Variants in RAB3GAP2 observed in about 807,000 individuals in gnomAD.
RAB3GAP2 encodes RAB3 GTPase activating non-catalytic protein subunit 2.
Under a neutral mutation model 185.3 loss-of-function variants are expected in RAB3GAP2, and 87 were observed. The observed-to-expected ratio is 0.47, with a 90% CI of 0.39 to 0.56. The LOEUF is 0.56. RAB3GAP2 is among the 20% of genes least tolerant of loss of function. RAB3GAP2 has a pLI of 0.00. For synonymous variants in RAB3GAP2, 554 were observed against 576.1 expected, an observed-to-expected ratio of 0.96 and a Z score of 0.55; for missense variants, 1,492 against 1,638.2, an observed-to-expected ratio of 0.91 and a Z score of 1.54.
chr1:220,151,416 G>A lies in RAB3GAP2; in HGVS notation c.4027-10C>T, dbSNP rs751519531. 6.2e-7 allele frequency: 1 copy of A among 1,613,856 alleles called. No individual in the cohort carries two copies. Among genetic ancestry groups the A allele is most frequent in the Non-Finnish European group, 8.5e-7 (1 of 1,179,994 alleles). ...GAAGGTCCTGGGGGTCCTGCAAATGGGACACAAAAATAACCTATTATAGAC... is the reference window on the plus strand; with the variant it reads ...GAAGGTCCTGGGGGTCCTGCAAATGAGACACAAAAATAACCTATTATAGAC... On this transcript the variant is annotated splice_polypyrimidine_tract_variant and intron_variant, in intron 34 of 34. Coordinates refer to ENST00000358951, the MANE Select transcript of RAB3GAP2 (RefSeq NM_012414.4).
At chr1:220,241,838 T>C (rs772916729) in intron 1 of RAB3GAP2, among the ~76,000 whole-genome samples, 1 of 152,010 alleles carries the variant, frequency 6.6e-6, no homozygotes, top group African/African-American at 2.4e-5. Context: ...ATTCTGTTTT[T>C]TTAACAACTT....
At chr1:220,162,472 G>A (rs1260370394) in intron 27 of RAB3GAP2, among the ~76,000 whole-genome samples, 1 of 152,062 alleles carries the variant, frequency 6.6e-6, no homozygotes, top group African/African-American at 2.4e-5. Context: ...GGCTGTATAA[G>A]AGTATGTCTA....
At chr1:220,174,092 A>T (rs993033394) in intron 21 of RAB3GAP2, among the ~76,000 whole-genome samples, 3 of 151,702 alleles carry the variant, frequency 2.0e-5, no homozygotes, top group Admixed American at 1.3e-4. Context: ...AAATAAATTT[A>T]AAAAAAAGAA....
intron 9 of RAB3GAP2, among the ~76,000 whole-genome samples, chr1:220,201,636 A>G (rs955973861): frequency 1.3e-5 from 2 of 151,982 alleles, no homozygotes; most frequent in African/African-American, 4.8e-5. Flanking sequence ...AGTAGCTGGG[A>G]ATACAGGTGT....
chr1:220,157,522 T>C (rs1256098304), intron 30 of RAB3GAP2, 34 bp from the exon 31 acceptor site: 1 of 1,594,890 alleles, frequency 6.3e-7, no homozygotes, highest in Non-Finnish European at 8.6e-7. Context: ...CTGTGTTCAG[T>C]AATGGAAAAA....
intron 28 of RAB3GAP2, among the ~76,000 whole-genome samples, chr1:220,160,000 G>C (rs1228296170): frequency 6.6e-6 from 1 of 151,152 alleles, no homozygotes; most frequent in African/African-American, 2.4e-5. Flanking sequence ...CCGGGCAACA[G>C]AGTGAGACTC....
chr1:220,206,980 T>C (rs999054995), intron 7 of RAB3GAP2, among the ~76,000 whole-genome samples: 12 of 152,232 alleles, frequency 7.9e-5, no homozygotes, highest in African/African-American at 2.4e-4. Context: ...AGCTGCTTAC[T>C]GTTGGTTTCC....
intron 20 of RAB3GAP2, 44 bp downstream of exon 20, chr1:220,182,674 C>A: frequency 7.1e-7 from 1 of 1,408,864 alleles, no homozygotes. Context: ...ATGTTTTCTT[C>A]TAAAAGAAGA....
chr1:220,196,203 G>A, intron 10 of RAB3GAP2, 47 bp downstream of exon 10: 1 of 1,589,108 alleles, frequency 6.3e-7, no homozygotes, highest in South Asian at 1.1e-5. Context: ...TAGACAAATT[G>A]TAAAATCAAG....
intron 31 of RAB3GAP2, among the ~76,000 whole-genome samples, chr1:220,154,905 G>A (rs541392048): frequency 2.2e-4 from 33 of 152,002 alleles, no homozygotes; most frequent in Non-Finnish European, 4.1e-4. Flanking sequence ...TGTATTTTTA[G>A]TAGAGACGGG....
At chr1:220,222,987 A>G (rs1471827320) in intron 2 of RAB3GAP2, among the ~76,000 whole-genome samples, 1 of 152,156 alleles carries the variant, frequency 6.6e-6, no homozygotes, top group Admixed American at 6.5e-5. Context: ...TTACAATGGA[A>G]CTCCAAAACT....
intron 21 of RAB3GAP2, among the ~76,000 whole-genome samples, chr1:220,180,520 G>A (rs555418671): frequency 2.0e-5 from 3 of 152,232 alleles, no homozygotes; most frequent in African/African-American, 7.2e-5. Flanking sequence ...ACAGCTTTAT[G>A]CCAACAGCAG....
chr1:220,167,210 G>A (rs1322469786), intron 26 of RAB3GAP2, 83 bp downstream of exon 26: 12 of 1,210,726 alleles, frequency 9.9e-6, no homozygotes, highest in Non-Finnish European at 1.5e-5. Flanking sequence ...TTTATAATAA[G>A]CTATTTAATT....
intron 21 of RAB3GAP2, among the ~76,000 whole-genome samples, chr1:220,179,307 A>G (rs2102863577): frequency 6.6e-6 from 1 of 152,056 alleles, no homozygotes; most frequent in South Asian, 2.1e-4. Flanking sequence ...AAAAGAGTCA[A>G]TTCAGCAAGA....
Position 220,210,497 on chromosome 1 carries a change from G to C in RAB3GAP2, c.511-8C>G. The C allele has an allele frequency of 6.3e-7, 1 of 1,594,874 alleles. No homozygotes were observed. The highest frequency in any genetic ancestry group is 8.6e-7 in the Non-Finnish European group (1 of 1,162,370). Reference sequence around the variant, plus strand: ...AAGCAAGAGCACACCATTCTAGGAGGAAGCACAGAGAAGGGCCCTGCTTGT... The same window carrying C: ...AAGCAAGAGCACACCATTCTAGGAGCAAGCACAGAGAAGGGCCCTGCTTGT... On this transcript the variant is annotated splice_region_variant and splice_polypyrimidine_tract_variant and intron_variant, in intron 6 of 34. Transcript: ENST00000358951.
rs566194395 is a variant in RAB3GAP2, at chr1:220,206,078, T to G, written c.613-72A>C. 1.5e-5 allele frequency: 15 copies of G among 979,182 alleles called. No homozygotes were observed. The South Asian group carries it at 2.1e-4, about 14-fold the overall frequency. The allele number at this position is 979,182 out of a possible 1,614,324, so 60.7% of individuals were successfully genotyped here. A position where few individuals can be genotyped will look rare whatever the true frequency, so the allele number is the denominator to read the frequency against. On this transcript the variant is annotated intron_variant, in intron 7 of 34. Coordinates refer to ENST00000358951, the MANE Select transcript of RAB3GAP2 (RefSeq NM_012414.4). ...TTATCTACTTTTTATTATACTGAAT[T>G]TCACGAATAATGTAACATAACCACC...
At chr1:220,194,964 G>T in intron 12 of RAB3GAP2, 114 bp downstream of exon 12, 2 of 1,041,590 alleles carry the variant, frequency 1.9e-6, no homozygotes, top group Non-Finnish European at 3.0e-6. Flanking sequence ...CACTGTAATG[G>T]CTTTCAGAAG....
rs1657812667 is a variant in RAB3GAP2, at chr1:220,154,064, AGAAAG to A, written c.3556-12_3556-8del. 1 of 1,613,116 alleles carries A rather than the reference AGAAAG, an allele frequency of 6.2e-7. No individual in the cohort carries two copies. The highest frequency in any genetic ancestry group is 8.5e-7 in the Non-Finnish European group (1 of 1,179,534). The stretch of plus-strand genomic sequence containing the variant: ...TGAAAAATGCATTTTTTCCCTAAAA[AGAAAG>A]AGAGCAAGAAAACTGATGAGTGTGG... On this transcript the variant is annotated splice_region_variant and splice_polypyrimidine_tract_variant and intron_variant, in intron 31 of 34. Transcript: ENST00000358951.
Position 220,241,464 on chromosome 1 carries a change from T to G in RAB3GAP2, c.116-8601A>C, listed in dbSNP as rs866990760. On this transcript the variant is annotated intron_variant, in intron 1 of 34. Transcript: ENST00000358951. ...TGAGATGAGAAAAAAACAGAGATAA[T>G]GTACTTGCTTCTATAAAAAGTAAGA... Among the ~76,000 whole-genome samples, 12 of 152,198 alleles carry G rather than the reference T, an allele frequency of 7.9e-5. No individual in the cohort carries two copies. The South Asian group carries it at 8.3e-4, about 11-fold the overall frequency.
Sources: allele counts gnomAD v4.1 joint callset (sites outside exome capture counted in the v4.1 genomes callset), GRCh38; gene constraint gnomAD v4.1.1; transcripts MANE v1.5; gene names NCBI Gene and HGNC (gene_info 2026-07-23, HGNC 2026-07-21).